The following TPTE2 variants were observed in gnomAD, a reference collection of about 807,000 sequenced individuals.
TPTE2 encodes the protein transmembrane phosphoinositide 3-phosphatase and tensin homolog 2, also known as phosphatidylinositol 3,4,5-trisphosphate 3-phosphatase TPTE2.
Under a neutral mutation model 78.6 loss-of-function variants are expected in TPTE2, and 53 were observed. That is an observed-to-expected ratio of 0.67 (90% CI 0.54 to 0.85). The LOEUF is 0.85. TPTE2 is among the 40% of genes least tolerant of loss of function. The pLI is 0.00. For missense variants in TPTE2, 461 were observed against 623.0 expected (o/e 0.74, Z 2.77); for synonymous variants, 175 against 206.2 (o/e 0.85, Z 1.30).
Position 19,444,869 on chromosome 13 carries a change from G to A in TPTE2, c.973+5207C>T, listed in dbSNP as rs149305754. ...TCAGAAACAGATTCATGTTCTTCAG[G>A]GTAGCAAAGAAATGAAAATCTTCTG... On this transcript the variant is annotated intron_variant, in intron 13 of 19. Transcript: ENST00000400230. Among the ~76,000 whole-genome samples, 943 of 152,208 alleles carry A rather than the reference G, an allele frequency of 6.2e-3. 7 individuals are homozygous for A. Among genetic ancestry groups the A allele is most frequent in the Middle Eastern group, 0.027 (8 of 294 alleles).
intron 10 of TPTE2, among the ~76,000 whole-genome samples, chr13:19,455,115 T>A (rs1160727877): frequency 1.3e-5 from 2 of 151,840 alleles, no homozygotes; most frequent in East Asian, 3.9e-4. Context: ...GCCAAGGGAG[T>A]GGTAGAGTCA....
At chr13:19,560,303 G>C in the TPTE2 span, 2 of 1,220,888 alleles carry the variant, frequency 1.6e-6, no homozygotes, top group Non-Finnish European at 2.4e-6. Context: ...GCCTTCAGTA[G>C]AACGTACTCC....
rs866807053 is a variant in TPTE2 at position 19,464,752 on chromosome 13, G to A, written c.677-232C>T. On this transcript the variant is annotated intron_variant, in intron 9 of 19. Coordinates refer to ENST00000400230, the Ensembl canonical transcript of TPTE2. The stretch of plus-strand genomic sequence containing the variant: ...AAGTCTCCACTAGTTCTAACTGTAT[G>A]CCATGTACTTATGATGGCCTCAGTC... Among the ~76,000 whole-genome samples the A allele has an allele frequency of 1.8e-4, 27 of 152,204 alleles. 1 individual carries two copies. Among genetic ancestry groups the A allele is most frequent in the African/African-American group, 6.3e-4 (26 of 41,462 alleles).
rs144275026 is a variant in TPTE2 at position 19,493,471 on chromosome 13, G to A, written c.42C>T (p.Thr14=). The stretch of plus-strand genomic sequence containing the variant: ...ACCTTTCTTTCGCAGGTGCCTCCTC[G>A]GTTGTTCCTTTAAATTCGTTTGTCT... The change falls in exon 2 of 20, where the codon ACC becomes ACT. Residue 14 remains threonine (T), a synonymous_variant. Coordinates refer to ENST00000400230, the Ensembl canonical transcript of TPTE2. 3.8e-5 allele frequency: 62 copies of A among 1,613,656 alleles called. No homozygotes were observed. The African/African-American group carries it at 6.0e-4, about 16-fold the overall frequency.
chr13:19,546,483 C>CTTTTTTTTTTTTTTTTTTT, the TPTE2 span, among the ~76,000 whole-genome samples: 4 of 85,022 alleles, frequency 4.7e-5, no homozygotes, highest in Admixed American at 1.9e-4. Context: ...TTTTCTTTTT[C>CTTTTTTTTTTTTTTTTTTT]TTTTTTTTTT....
chr13:19,503,907 A>AT (rs764170108), upstream of TPTE2, among the ~76,000 whole-genome samples: 1 of 150,326 alleles, frequency 6.7e-6, no homozygotes, highest in African/African-American at 2.4e-5. Context: ...CGCCCGGCTA[A>AT]TTTTTTGTAT....
chr13:19,466,347 A>C (rs1879268786), intron 7 of TPTE2, among the ~76,000 whole-genome samples: 1 of 152,184 alleles, frequency 6.6e-6, no homozygotes, highest in Non-Finnish European at 1.5e-5. Context: ...GGCTGAGGTT[A>C]TTTTCAAATA....
chr13:19,527,573 G>C (rs115114876), intron 1 of TPTE2, among the ~76,000 whole-genome samples: 3,855 of 152,104 alleles, frequency 0.025, 124 homozygotes, highest in African/African-American at 0.074. Context: ...GAGAAACAAT[G>C]CATAAAAGAT....
At chr13:19,491,203 T>C (rs1016919255) in intron 3 of TPTE2, among the ~76,000 whole-genome samples, 1 of 152,222 alleles carries the variant, frequency 6.6e-6, no homozygotes, top group African/African-American at 2.4e-5. Flanking sequence ...CATCTAGCTT[T>C]TTATTTACTT....
At chr13:19,546,762 C>G in the TPTE2 span, among the ~76,000 whole-genome samples, 1 of 151,632 alleles carries the variant, frequency 6.6e-6, no homozygotes, top group African/African-American at 2.4e-5. Context: ...AGTGCTGGGA[C>G]TACAGGCATG....
chr13:19,429,422 TG>T (rs1593344502), intron 17 of TPTE2, among the ~76,000 whole-genome samples: 1 of 152,236 alleles, frequency 6.6e-6, no homozygotes, highest in East Asian at 1.9e-4. Flanking sequence ...GGAAGAATGC[TG>T]GTGCCATTTG....
intron 1 of TPTE2, among the ~76,000 whole-genome samples, chr13:19,526,663 A>G (rs1294317655): frequency 1.3e-5 from 2 of 152,230 alleles, no homozygotes; most frequent in Non-Finnish European, 2.9e-5. Flanking sequence ...TCAAACCCCC[A>G]TGACACAAAA....
Position 19,451,147 on chromosome 13 carries a change from ATAGAG to A in TPTE2, c.802+13_802+17del, listed in dbSNP as rs1878151525. The A allele has an allele frequency of 6.2e-6, 10 of 1,611,256 alleles. No individual in the cohort carries two copies. The highest frequency in any genetic ancestry group is 2.2e-5 in the South Asian group (2 of 90,468). ...TGTTTTCTACCTACAGTAGCAAAAT[ATAGAG>A]TAATGTACATACTGCATAGATTGTA... On this transcript the variant is annotated intron_variant, in intron 11 of 19. Coordinates refer to ENST00000400230, the Ensembl canonical transcript of TPTE2.
intron 10 of TPTE2, among the ~76,000 whole-genome samples, chr13:19,463,609 C>T (rs1879075367): frequency 6.6e-6 from 1 of 152,118 alleles, no homozygotes; most frequent in African/African-American, 2.4e-5. Context: ...AAACTGTTGC[C>T]TCTTCCAATG....
the TPTE2 span, among the ~76,000 whole-genome samples, chr13:19,550,149 A>G: frequency 6.6e-6 from 1 of 150,684 alleles, no homozygotes; most frequent in African/African-American, 2.4e-5. Flanking sequence ...CCTGAACCTA[A>G]AAGTTGGAAA....
upstream of TPTE2, among the ~76,000 whole-genome samples, chr13:19,539,348 C>T (rs1871372799): frequency 6.6e-6 from 1 of 152,148 alleles, no homozygotes; most frequent in Non-Finnish European, 1.5e-5. Flanking sequence ...GTGGGTTTTT[C>T]CCATGCTATT....
intron 7 of TPTE2, among the ~76,000 whole-genome samples, chr13:19,466,176 A>G (rs1241615757): frequency 6.6e-6 from 1 of 152,160 alleles, no homozygotes; most frequent in Non-Finnish European, 1.5e-5. Context: ...ATTTGGGCAC[A>G]TGTCAATAAG....
At chr13:19,533,544 C>T (rs1197889161) in intron 1 of TPTE2, among the ~76,000 whole-genome samples, 1 of 152,232 alleles carries the variant, frequency 6.6e-6, no homozygotes, top group Non-Finnish European at 1.5e-5. Context: ...AAGTGGCTCA[C>T]TCTGTCCATT....
the TPTE2 span, among the ~76,000 whole-genome samples, chr13:19,554,067 T>A: frequency 1.3e-5 from 2 of 152,214 alleles, no homozygotes; most frequent in Non-Finnish European, 2.9e-5. Flanking sequence ...TTCTGTGTGA[T>A]CTCACTTTTT....
Sources: gnomAD v4.1 joint callset for allele counts (sites outside exome capture counted in the v4.1 genomes callset) on GRCh38, gnomAD v4.1.1 for gene constraint, MANE v1.5 for transcripts, NCBI Gene and HGNC (gene_info 2026-07-23, HGNC 2026-07-21) for gene names.